APBA1: variants seen among roughly 807,000 people sequenced by gnomAD.
The protein encoded by APBA1 is amyloid beta precursor protein binding family A member 1, also known as amyloid-beta A4 precursor protein-binding family A member 1.
A neutral mutation model predicts 86.6 loss-of-function variants in APBA1; 55 were observed. That is an observed-to-expected ratio of 0.64 (90% CI 0.51 to 0.80). The LOEUF is 0.80. Ranked by LOEUF, APBA1 falls within the 30% of genes least tolerant of loss-of-function variation. The pLI is 0.00. For synonymous variants in APBA1, 511 were observed against 493.9 expected, an observed-to-expected ratio of 1.03 and a Z score of -0.46; for missense variants, 1,090 against 1,183.0, an observed-to-expected ratio of 0.92 and a Z score of 1.15.
chr9:69,548,336 C>T (rs1349711020), intron 1 of APBA1, among the ~76,000 whole-genome samples: 4 of 152,154 alleles, frequency 2.6e-5, no homozygotes, highest in Non-Finnish European at 2.9e-5. Flanking sequence ...AAGGACAGAG[C>T]CCTGCCGACG....
At chr9:69,526,434 A>G (rs1836343957) in intron 1 of APBA1, among the ~76,000 whole-genome samples, 2 of 152,198 alleles carry the variant, frequency 1.3e-5, no homozygotes, top group Admixed American at 1.3e-4. Context: ...ACTTCTCAAA[A>G]GAAGACATAC....
intron 1 of APBA1, among the ~76,000 whole-genome samples, chr9:69,617,197 T>C (rs1013973472): frequency 6.6e-6 from 1 of 152,204 alleles, no homozygotes; most frequent in African/African-American, 2.4e-5. Flanking sequence ...AGAATCTTTG[T>C]CTTCCTTCAC....
intron 3 of APBA1, among the ~76,000 whole-genome samples, chr9:69,474,733 C>CG (rs989113197): frequency 4.4e-4 from 67 of 152,022 alleles, no homozygotes; most frequent in African/African-American, 1.5e-3. Flanking sequence ...CAGAGAAGGT[C>CG]TATGTTTGTT....
intron 1 of APBA1, among the ~76,000 whole-genome samples, chr9:69,517,948 T>C (rs754980633): frequency 6.6e-6 from 1 of 152,226 alleles, no homozygotes; most frequent in Non-Finnish European, 1.5e-5. Flanking sequence ...AGTTGACTTT[T>C]CATTGTTAAT....
At chr9:69,659,186 A>T (rs1050218581) in intron 1 of APBA1, among the ~76,000 whole-genome samples, 1 of 152,168 alleles carries the variant, frequency 6.6e-6, no homozygotes, top group Non-Finnish European at 1.5e-5. Context: ...TCACAGTCCT[A>T]CATATGAAAA....
In APBA1 at chr9:69,481,717, A is replaced by G. The variant is rs1204262301; in HGVS notation, c.1201-5574T>C. Among the ~76,000 whole-genome samples the G allele has an allele frequency of 2.0e-5, 3 of 150,724 alleles. No individual in the cohort carries two copies. In the East Asian group the frequency reaches 5.8e-4, roughly 29 times the overall value. On this transcript the variant is annotated intron_variant, in intron 2 of 12. Transcript: ENST00000265381. ...GAGGCATCACAATACCTGACTTCAA[A>G]CTATACTACAAGGCTACAGTAACCA...
intron 1 of APBA1, among the ~76,000 whole-genome samples, chr9:69,569,733 G>C (rs1837085440): frequency 6.6e-6 from 1 of 152,112 alleles, no homozygotes; most frequent in African/African-American, 2.4e-5. Context: ...AATAAACTCT[G>C]TTATAGGGGT....
chr9:69,454,355 G>A (rs540638592), intron 8 of APBA1, among the ~76,000 whole-genome samples: 8 of 152,290 alleles, frequency 5.3e-5, no homozygotes, highest in African/African-American at 1.7e-4. Flanking sequence ...GTGACCAGTC[G>A]ACTTCCTGAT....
intron 1 of APBA1, among the ~76,000 whole-genome samples, chr9:69,543,590 G>C (rs1184899849): frequency 6.6e-6 from 1 of 152,012 alleles, no homozygotes; most frequent in African/African-American, 2.4e-5. Context: ...TCATGTTCCT[G>C]GGACTCTTCT....
At chr9:69,636,986 A>AGAAAGAAAG (rs1564099107) in intron 1 of APBA1, among the ~76,000 whole-genome samples, 2 of 122,180 alleles carry the variant, frequency 1.6e-5, no homozygotes, top group East Asian at 3.0e-4. Flanking sequence ...AAAGAAAGAA[A>AGAAAGAAAG]AATGTGATAC....
chr9:69,445,957 T>A (rs544479401), intron 10 of APBA1, among the ~76,000 whole-genome samples: 148 of 152,194 alleles, frequency 9.7e-4, no homozygotes, highest in African/African-American at 3.3e-3. Context: ...TCTAACAAGA[T>A]CCCCAGGTGA....
At position 69,505,927 on chromosome 9, in the gene APBA1, G is replaced by A. The variant is rs950932470; in HGVS notation, c.1200+10084C>T. ...CCAGCTACTTGGGAGGCTGAGACAG[G>A]AGAATTGCTTGAGCCTGGGAGGCGG... On this transcript the variant is annotated intron_variant, in intron 2 of 12. Coordinates refer to ENST00000265381, the MANE Select transcript of APBA1 (RefSeq NM_001163.4). 1.3e-5 allele frequency among the ~76,000 whole-genome samples: 2 copies of A among 151,940 alleles called. 1 individual carries two copies. Among genetic ancestry groups the A allele is most frequent in the Non-Finnish European group, 2.9e-5 (2 of 67,998 alleles).
Position 69,456,349 on chromosome 9 carries a change from C to T in APBA1, c.1686G>A (p.Arg562=), listed in dbSNP as rs1190546229. 3.1e-6 allele frequency: 5 copies of T among 1,614,128 alleles called. No homozygotes were observed. In the African/African-American group the frequency reaches 6.7e-5, roughly 22 times the overall value. The change falls in exon 8 of 13, where the codon CGG becomes CGA. Residue 562 remains arginine (R), a synonymous_variant. Coordinates refer to ENST00000265381, the MANE Select transcript of APBA1 (RefSeq NM_001163.4). ...TCTCCTGGGAGTTGGAGCGAGGCAT[C>T]CGCCGGCGGGCCATCAGCACAACGA... ...GNIVVLMARR[R]MPRSNSQENV...
At chr9:69,460,975 C>A (rs1218724386) in intron 5 of APBA1, 2 of 152,220 alleles carry the variant, frequency 1.3e-5, no homozygotes, top group African/African-American at 2.4e-5. Flanking sequence ...AGGTCATCCA[C>A]CCGCCTTGGC....
At chr9:69,640,800 A>G (rs1823271047) in intron 1 of APBA1, among the ~76,000 whole-genome samples, 1 of 152,164 alleles carries the variant, frequency 6.6e-6, no homozygotes, top group Non-Finnish European at 1.5e-5. Context: ...GAGCATCTGC[A>G]AAAAACCTGT....
chr9:69,584,948 AT>A (rs1304161900), intron 1 of APBA1, among the ~76,000 whole-genome samples: 1 of 152,204 alleles, frequency 6.6e-6, no homozygotes, highest in Non-Finnish European at 1.5e-5. Flanking sequence ...TCATTTGGGT[AT>A]AATGTGTCTG....
At chr9:69,637,104 A>G in intron 1 of APBA1, among the ~76,000 whole-genome samples, 1 of 152,182 alleles carries the variant, frequency 6.6e-6, no homozygotes, top group Non-Finnish European at 1.5e-5. Flanking sequence ...CGTTAAGTGA[A>G]ATAAGCCAGA....
intron 2 of APBA1, among the ~76,000 whole-genome samples, chr9:69,489,276 CAG>C (rs1835663111): frequency 6.6e-6 from 1 of 152,078 alleles, no homozygotes; most frequent in Non-Finnish European, 1.5e-5. Context: ...GGTACCAAAA[CAG>C]AGATATAGAC....
chr9:69,553,344 C>T (rs1836816573), intron 1 of APBA1, among the ~76,000 whole-genome samples: 1 of 152,136 alleles, frequency 6.6e-6, no homozygotes, highest in Non-Finnish European at 1.5e-5. Context: ...TAGAAAATTC[C>T]TTTTTGCCCC....
Sources: allele counts gnomAD v4.1 joint callset (sites outside exome capture counted in the v4.1 genomes callset), GRCh38; gene constraint gnomAD v4.1.1; transcripts MANE v1.5; gene names NCBI Gene and HGNC (gene_info 2026-07-23, HGNC 2026-07-21).